SLC4A8: variants seen among roughly 807,000 people sequenced by gnomAD.
SLC4A8 encodes electroneutral sodium bicarbonate exchanger 1.
SLC4A8 carries 40 observed loss-of-function variants against 125.0 expected under a neutral mutation model. The observed-to-expected ratio is 0.32, with a 90% CI of 0.25 to 0.42. SLC4A8 has a LOEUF of 0.42. Ranked by LOEUF, SLC4A8 falls within the 10% of genes least tolerant of loss-of-function variation. SLC4A8 has a pLI of 1.00. For synonymous variants in SLC4A8, 456 were observed against 476.0 expected (o/e 0.96, Z 0.55); for missense variants, 863 against 1,355.1 (o/e 0.64, Z 5.70).
At chr12:51,451,453 A>G (rs918221253) in intron 3 of SLC4A8, among the ~76,000 whole-genome samples, 2 of 152,206 alleles carry the variant, frequency 1.3e-5, no homozygotes, top group African/African-American at 2.4e-5. Context: ...GTTATTTACT[A>G]TAGGGTTATT....
At chr12:51,499,860 G>A (rs956370049) in intron 22 of SLC4A8, among the ~76,000 whole-genome samples, 2 of 152,184 alleles carry the variant, frequency 1.3e-5, no homozygotes, top group African/African-American at 2.4e-5. Flanking sequence ...GGAGGAATGA[G>A]CTTGGTGTGT....
chr12:51,460,181 T>C (rs542581939), intron 8 of SLC4A8, 73 bp downstream of exon 8: 1 of 1,148,626 alleles, frequency 8.7e-7, no homozygotes, highest in Non-Finnish European at 1.3e-6. Context: ...AAGAAACCAC[T>C]TAATACTGAA....
In SLC4A8 at chr12:51,398,744, GTTTC is replaced by G. The variant is rs1470542145; in HGVS notation, c.-112+7264_-112+7267del. 1.4e-4 allele frequency among the ~76,000 whole-genome samples: 22 copies of G among 152,204 alleles called. No homozygotes were observed. In the East Asian group the frequency reaches 4.1e-3, roughly 28 times the overall value. On this transcript the variant is annotated intron_variant, in intron 1 of 24. Transcript: ENST00000358657. ...TTCCCCTAAAAAAAGAGAAGTTTCT[GTTTC>G]TTTCTTTTTTTCTTTTTTTGAGAGA...
chr12:51,491,738 CAG>C (rs1491530248), intron 19 of SLC4A8, among the ~76,000 whole-genome samples: 2,560 of 65,552 alleles, frequency 0.039, 36 homozygotes, highest in African/African-American at 0.076. Flanking sequence ...TGGGGATGGG[CAG>C]ACACACACAC....
At chr12:51,404,438 C>A (rs1205396358) in intron 1 of SLC4A8, among the ~76,000 whole-genome samples, 1 of 152,172 alleles carries the variant, frequency 6.6e-6, no homozygotes, top group East Asian at 1.9e-4. Flanking sequence ...AATCTTAAAT[C>A]TTGTAGCCAC....
rs550192068 is a variant in SLC4A8 at position 51,512,736 on chromosome 12, T to C, written c.*5298T>C. The C allele has an allele frequency of 2.0e-5, 3 of 152,254 alleles. 1 individual carries two copies. Among genetic ancestry groups the C allele is most frequent in the Admixed American group, 2.0e-4 (3 of 15,292 alleles). The allele number at this position is 152,254 out of a possible 1,614,324, so 9.4% of individuals were successfully genotyped here. ...AAGATTTCATTGTTACTACTAGTCT[T>C]TGTGTACCTATCTGGAGGGACATTA... On this transcript the variant is annotated 3_prime_UTR_variant, in exon 25 of 25. Coordinates refer to ENST00000453097, the MANE Select transcript of SLC4A8 (RefSeq NM_001039960.3).
Position 51,457,251 on chromosome 12 carries a change from TC to T in SLC4A8, c.575-95del, listed in dbSNP as rs546571734. 1,246 of 874,264 alleles carry T rather than the reference TC, an allele frequency of 1.4e-3. 6 individuals are homozygous for T. The highest frequency in any genetic ancestry group is 3.3e-3 in the South Asian group (177 of 53,870). 54.2% of individuals were successfully genotyped at this position (874,264 alleles called of 1,614,324 possible). A position where few individuals can be genotyped will look rare whatever the true frequency, so the allele number is the denominator to read the frequency against. ...CCTCAATGACCCTAGTGGAGCTGCT[TC>T]CCCCTACTCCATGCCCTTTACCCCA... On this transcript the variant is annotated intron_variant, in intron 5 of 24. Transcript: ENST00000453097.
chr12:51,435,340 G>A (rs1217951984), intron 1 of SLC4A8, among the ~76,000 whole-genome samples: 1 of 152,054 alleles, frequency 6.6e-6, no homozygotes, highest in Non-Finnish European at 1.5e-5. Flanking sequence ...CATCTACTCT[G>A]TGGTACCACT....
At chr12:51,505,971 C>CT in intron 24 of SLC4A8, 41 bp downstream of exon 24, 1 of 954,878 alleles carries the variant, frequency 1.0e-6, no homozygotes, top group Non-Finnish European at 1.6e-6. Flanking sequence ...TTATTTCTGG[C>CT]TTTTGACAAT....
At chr12:51,447,060 A>G (rs1358891246) in intron 2 of SLC4A8, among the ~76,000 whole-genome samples, 1 of 151,848 alleles carries the variant, frequency 6.6e-6, no homozygotes, top group African/African-American at 2.4e-5. Context: ...CTGTCTGTCT[A>G]TCTATCTGTC....
chr12:51,474,977 C>T lies in SLC4A8; in HGVS notation c.2011-68C>T, dbSNP rs1041705120. 12 of 1,385,852 alleles carry T rather than the reference C, an allele frequency of 8.7e-6. 1 individual carries two copies. The highest frequency in any genetic ancestry group is 1.1e-5 in the Non-Finnish European group (11 of 990,224). 85.8% of individuals were successfully genotyped at this position (1,385,852 alleles called of 1,614,324 possible). On this transcript the variant is annotated intron_variant, in intron 15 of 24. Transcript: ENST00000453097. Reference sequence around the variant, plus strand: ...CCATGGGATGACAATGAGTGGTGGACTCAGTAGGAAACAGCTATTTATTTG... The same window carrying T: ...CCATGGGATGACAATGAGTGGTGGATTCAGTAGGAAACAGCTATTTATTTG...
intron 22 of SLC4A8, chr12:51,497,478 TA>T: frequency 5.5e-6 from 1 of 181,852 alleles, no homozygotes; most frequent in South Asian, 1.2e-4. Flanking sequence ...AGAATGTTTG[TA>T]ATATATCTAA....
chr12:51,412,765 CT>C (rs981117694), intron 1 of SLC4A8, among the ~76,000 whole-genome samples: 1 of 152,138 alleles, frequency 6.6e-6, no homozygotes, highest in Non-Finnish European at 1.5e-5. Flanking sequence ...GAAATTCATT[CT>C]TTTTTTATGC....
At chr12:51,463,556 A>G in intron 10 of SLC4A8, 58 bp from the exon 11 acceptor site, 1 of 1,329,700 alleles carries the variant, frequency 7.5e-7, no homozygotes, top group South Asian at 1.2e-5. Context: ...CTCCCTGCTG[A>G]TAGCAGGACG....
intron 2 of SLC4A8, among the ~76,000 whole-genome samples, chr12:51,444,085 A>T (rs1052025329): frequency 3.3e-5 from 5 of 152,208 alleles, no homozygotes; most frequent in Admixed American, 1.3e-4. Context: ...GGAAAAAAGA[A>T]TGACGAGTTA....
At chr12:51,412,451 C>T (rs1357574842) in intron 1 of SLC4A8, among the ~76,000 whole-genome samples, 1 of 152,164 alleles carries the variant, frequency 6.6e-6, no homozygotes, top group Non-Finnish European at 1.5e-5. Flanking sequence ...CAAATCTTCT[C>T]TTCTAGCTAT....
At chr12:51,445,682 C>T (rs1276932364) in intron 2 of SLC4A8, among the ~76,000 whole-genome samples, 6 of 152,078 alleles carry the variant, frequency 3.9e-5, no homozygotes, top group African/African-American at 1.4e-4. Context: ...GAATACTCTT[C>T]TCCCAGGTCT....
intron 1 of SLC4A8, chr12:51,407,797 C>T (rs946797228): frequency 7.9e-5 from 12 of 152,286 alleles, no homozygotes; most frequent in Admixed American, 7.9e-4. Flanking sequence ...TGTATTCGTT[C>T]CCTAGGGCTG....
At chr12:51,413,629 C>T (rs1310124577) in intron 1 of SLC4A8, among the ~76,000 whole-genome samples, 3 of 152,164 alleles carry the variant, frequency 2.0e-5, no homozygotes, top group African/African-American at 2.4e-5. Flanking sequence ...CATTCTTCTG[C>T]GTATGGATAG....
Sources: allele counts gnomAD v4.1 joint callset (sites outside exome capture counted in the v4.1 genomes callset), GRCh38; gene constraint gnomAD v4.1.1; transcripts MANE v1.5; gene names NCBI Gene and HGNC (gene_info 2026-07-23, HGNC 2026-07-21).